C12orf42: variants seen among roughly 807,000 people sequenced by gnomAD.
The protein encoded by C12orf42 is chromosome 12 open reading frame 42.
Under a neutral mutation model 21.6 loss-of-function variants are expected in C12orf42, and 25 were observed. The observed-to-expected ratio is 1.16, with a 90% CI of 0.84 to 1.62. The LOEUF (loss-of-function observed/expected upper bound fraction) is 1.62, where lower values mean the gene tolerates loss of function less well. C12orf42 is among the 40% of genes most tolerant of loss of function. C12orf42 has a pLI of 0.00. For missense variants in C12orf42, 483 were observed against 459.3 expected (o/e 1.05, Z -0.47); for synonymous variants, 174 against 175.0 (o/e 0.99, Z 0.05).
the C12orf42 span, among the ~76,000 whole-genome samples, chr12:103,082,958 T>C: frequency 6.6e-6 from 1 of 152,294 alleles, no homozygotes; most frequent in South Asian, 2.1e-4. Flanking sequence ...GCATACATCT[T>C]TAGTGGGAGT....
chr12:103,461,123 T>C (rs1720857063), intron 2 of C12orf42, among the ~76,000 whole-genome samples: 1 of 152,210 alleles, frequency 6.6e-6, no homozygotes, highest in Admixed American at 6.6e-5. Context: ...ATAAAAATTT[T>C]TGGACCCCAT....
the C12orf42 span, among the ~76,000 whole-genome samples, chr12:103,054,521 C>T: frequency 2.0e-5 from 3 of 151,758 alleles, no homozygotes; most frequent in Non-Finnish European, 4.4e-5. Flanking sequence ...AATCATGTCA[C>T]CTGTAAATAG....
intron 4 of C12orf42, among the ~76,000 whole-genome samples, chr12:103,320,403 T>TTAA (rs1356825096): frequency 6.6e-6 from 1 of 152,202 alleles, no homozygotes; most frequent in African/African-American, 2.4e-5. Flanking sequence ...AAGCATCTTC[T>TTAA]TAATAGTAAA....
At chr12:103,438,951 G>T (rs887633991) in intron 2 of C12orf42, among the ~76,000 whole-genome samples, 3 of 152,056 alleles carry the variant, frequency 2.0e-5, no homozygotes. Flanking sequence ...CATCGCCAAG[G>T]CAATCATAAG....
intron 2 of C12orf42, among the ~76,000 whole-genome samples, chr12:103,445,916 T>G (rs1951547262): frequency 6.6e-6 from 1 of 152,028 alleles, no homozygotes; most frequent in Non-Finnish European, 1.5e-5. Flanking sequence ...CTTGAATTGG[T>G]TTTTGTATAT....
At chr12:103,421,251 A>C (rs1209082775) in intron 2 of C12orf42, among the ~76,000 whole-genome samples, 3 of 152,168 alleles carry the variant, frequency 2.0e-5, no homozygotes, top group Admixed American at 6.5e-5. Context: ...GCAAAGAGAA[A>C]AGTAAAACCA....
chr12:103,460,271 C>CA (rs34037201), intron 2 of C12orf42, among the ~76,000 whole-genome samples: 17 of 104,950 alleles, frequency 1.6e-4, no homozygotes, highest in Middle Eastern at 4.2e-3. Flanking sequence ...TTGGACAGAA[C>CA]AAAAAAAAAA....
chr12:103,338,115 G>A (rs1476099792), intron 4 of C12orf42, among the ~76,000 whole-genome samples: 5 of 152,272 alleles, frequency 3.3e-5, no homozygotes, highest in South Asian at 2.1e-4. Flanking sequence ...GCCACTAGCC[G>A]GAGGTAGCTA....
the C12orf42 span, among the ~76,000 whole-genome samples, chr12:103,509,635 G>GT: frequency 6.6e-6 from 1 of 152,014 alleles, no homozygotes; most frequent in Admixed American, 6.6e-5. Flanking sequence ...CTGAATTCCC[G>GT]TTTTGAGCAC....
the C12orf42 span, among the ~76,000 whole-genome samples, chr12:103,541,408 A>C: frequency 6.6e-6 from 1 of 152,198 alleles, no homozygotes; most frequent in Non-Finnish European, 1.5e-5. Flanking sequence ...ATAAGATTTT[A>C]ATGCAGCTGA....
intron 4 of C12orf42, among the ~76,000 whole-genome samples, chr12:103,359,646 AG>A (rs1309842242): frequency 6.6e-6 from 1 of 152,062 alleles, no homozygotes; most frequent in Non-Finnish European, 1.5e-5. Context: ...GGGGTAGAGA[AG>A]GGGTGGATTA....
chr12:103,452,551 A>G (rs2137511825), intron 2 of C12orf42, among the ~76,000 whole-genome samples: 1 of 152,286 alleles, frequency 6.6e-6, no homozygotes, highest in South Asian at 2.1e-4. Flanking sequence ...GTTATAAATC[A>G]TGCTACTATA....
At chr12:103,227,465 G>GCACAGAGA in the C12orf42 span, among the ~76,000 whole-genome samples, 1 of 151,982 alleles carries the variant, frequency 6.6e-6, no homozygotes, top group Non-Finnish European at 1.5e-5. Context: ...AGGGATTGGG[G>GCACAGAGA]TACAGAGATA....
intron 1 of C12orf42, among the ~76,000 whole-genome samples, chr12:103,479,512 G>A (rs1488972314): frequency 2.0e-5 from 3 of 152,026 alleles, no homozygotes; most frequent in African/African-American, 7.2e-5. Flanking sequence ...ATGCTTGGTT[G>A]TTCCTGATGT....
At chr12:103,551,827 C>T in the C12orf42 span, among the ~76,000 whole-genome samples, 210 of 151,154 alleles carry the variant, frequency 1.4e-3, no homozygotes, top group Non-Finnish European at 2.3e-3. Context: ...AAACTAATAA[C>T]AATAATAATA....
chr12:103,192,009 A>G, the C12orf42 span, among the ~76,000 whole-genome samples: 5 of 152,108 alleles, frequency 3.3e-5, no homozygotes, highest in African/African-American at 1.2e-4. Flanking sequence ...TATAGTATAC[A>G]ATATATTGCT....
chr12:103,245,462 C>T (rs764072732), intron 10 of C12orf42, among the ~76,000 whole-genome samples: 2 of 151,994 alleles, frequency 1.3e-5, no homozygotes, highest in Non-Finnish European at 2.9e-5. Flanking sequence ...CTTTTCTGAG[C>T]TTCACATTTT....
At chr12:103,413,597 C>T (rs886268689) in intron 2 of C12orf42, among the ~76,000 whole-genome samples, 4 of 151,930 alleles carry the variant, frequency 2.6e-5, no homozygotes, top group Non-Finnish European at 4.4e-5. Context: ...CAGTGTGCAC[C>T]GTACTCAGTG....
intron 10 of C12orf42, among the ~76,000 whole-genome samples, chr12:103,246,380 C>T (rs1046875345): frequency 5.3e-5 from 8 of 152,002 alleles, no homozygotes; most frequent in Admixed American, 6.6e-5. Flanking sequence ...GCTGGATAAA[C>T]ATTTACCATA....
Sources: gnomAD v4.1 joint callset for allele counts (sites outside exome capture counted in the v4.1 genomes callset) on GRCh38, gnomAD v4.1.1 for gene constraint, MANE v1.5 for transcripts, NCBI Gene and HGNC (gene_info 2026-07-23, HGNC 2026-07-21) for gene names.